MSR1: variants seen among roughly 807,000 people sequenced by gnomAD.
The protein encoded by MSR1 is macrophage scavenger receptor types I and II.
MSR1 carries 53 observed loss-of-function variants against 47.2 expected under a neutral mutation model. The ratio of observed to expected loss-of-function variants is 1.12; its 90% CI spans 0.90 to 1.41. MSR1 has a LOEUF of 1.41. MSR1 is among the 40% of genes most tolerant of loss of function. The pLI is 0.00. For synonymous variants in MSR1, 239 were observed against 185.6 expected (o/e 1.29, Z -2.34); for missense variants, 786 against 546.9 (o/e 1.44, Z -4.36).
intron 8 of MSR1, among the ~76,000 whole-genome samples, chr8:16,135,904 G>C (rs145731498): frequency 6.6e-6 from 1 of 152,106 alleles, no homozygotes. Context: ...TGGAGAACTA[G>C]AATTAGAAGT....
At chr8:16,121,401 T>C (rs1662349069) in intron 8 of MSR1, among the ~76,000 whole-genome samples, 1 of 152,054 alleles carries the variant, frequency 6.6e-6, no homozygotes, top group African/African-American at 2.4e-5. Flanking sequence ...ACAGAAAGAT[T>C]TACATAAATA....
At chr8:16,159,736 A>G (rs939370116) in intron 5 of MSR1, among the ~76,000 whole-genome samples, 9 of 151,968 alleles carry the variant, frequency 5.9e-5, no homozygotes, top group Non-Finnish European at 1.2e-4. Context: ...ACTTTTATAC[A>G]TAACTATCAC....
intron 8 of MSR1, among the ~76,000 whole-genome samples, chr8:16,138,307 C>T (rs936495814): frequency 9.2e-5 from 14 of 152,128 alleles, no homozygotes; most frequent in African/African-American, 2.7e-4. Context: ...GGAATCATTT[C>T]GTGTGACTGA....
At chr8:16,122,232 A>T (rs544140551) in intron 8 of MSR1, among the ~76,000 whole-genome samples, 11 of 152,262 alleles carry the variant, frequency 7.2e-5, no homozygotes, top group African/African-American at 2.4e-4. Context: ...TTCAACTTTC[A>T]TTTACTAGTA....
At chr8:16,188,722 T>C (rs1271227231) in intron 1 of MSR1, among the ~76,000 whole-genome samples, 1 of 152,026 alleles carries the variant, frequency 6.6e-6, no homozygotes, top group Admixed American at 6.6e-5. Flanking sequence ...CCACGTGCTC[T>C]CACTGTTCAA....
rs1287527239 is a variant in MSR1 at position 16,109,525 on chromosome 8, C to T, written c.*560G>A. 6.3e-6 allele frequency: 1 copy of T among 157,704 alleles called. No individual in the cohort carries two copies. The highest frequency in any genetic ancestry group is 6.1e-5 in the Admixed American group (1 of 16,420). The allele number at this position is 157,704 out of a possible 1,614,324, so 9.8% of individuals were successfully genotyped here. ...AAATAAGCTCCCTGGTCCATAGTGGCCAAGACATATCATTAACATTGATAT... is the reference window on the plus strand; with the variant it reads ...AAATAAGCTCCCTGGTCCATAGTGGTCAAGACATATCATTAACATTGATAT... On this transcript the variant is annotated 3_prime_UTR_variant, in exon 10 of 10. Transcript: ENST00000262101.
chr8:16,188,316 G>C (rs1381069047), intron 1 of MSR1, among the ~76,000 whole-genome samples: 1 of 151,722 alleles, frequency 6.6e-6, no homozygotes, highest in Non-Finnish European at 1.5e-5. Context: ...TGAAATTTCT[G>C]TCATCTCATC....
At chr8:16,188,755 T>C (rs1274442349) in intron 1 of MSR1, among the ~76,000 whole-genome samples, 1 of 151,932 alleles carries the variant, frequency 6.6e-6, no homozygotes, top group Non-Finnish European at 1.5e-5. Context: ...AGTGAGAACA[T>C]GCAGTGTTTC....
chr8:16,152,271 G>T (rs1366208497), intron 6 of MSR1, among the ~76,000 whole-genome samples: 3 of 151,062 alleles, frequency 2.0e-5, no homozygotes, highest in African/African-American at 7.3e-5. Context: ...GCGACAGCCT[G>T]CAGCCAGGCA....
chr8:16,141,894 G>C (rs1314263359), intron 8 of MSR1, among the ~76,000 whole-genome samples: 1 of 151,932 alleles, frequency 6.6e-6, no homozygotes, highest in Non-Finnish European at 1.5e-5. Flanking sequence ...GAAAGCCTCA[G>C]GAAAAGGAGA....
chr8:16,154,407 T>G (rs1490163274), intron 6 of MSR1, among the ~76,000 whole-genome samples: 1 of 152,032 alleles, frequency 6.6e-6, no homozygotes, highest in African/African-American at 2.4e-5. Flanking sequence ...TTCTGTGTCT[T>G]CTTTCAAAAT....
chr8:16,135,070 A>C (rs1243487703), intron 8 of MSR1, among the ~76,000 whole-genome samples: 7 of 152,188 alleles, frequency 4.6e-5, no homozygotes, highest in Non-Finnish European at 7.3e-5. Context: ...GCAAGTGTGG[A>C]TATAGAAGCT....
chr8:16,140,360 T>G (rs1023968890), intron 8 of MSR1: 2 of 985,408 alleles, frequency 2.0e-6, no homozygotes, highest in South Asian at 9.4e-5. Context: ...CCAGTATTCA[T>G]TGAAGATTGA....
At chr8:16,169,541 AT>A (rs1249469577) in intron 3 of MSR1, among the ~76,000 whole-genome samples, 1 of 152,122 alleles carries the variant, frequency 6.6e-6, no homozygotes, top group Non-Finnish European at 1.5e-5. Context: ...ACAGCAGAAA[AT>A]TTAGAAAATA....
intron 9 of MSR1, among the ~76,000 whole-genome samples, chr8:16,117,638 A>G (rs1018401729): frequency 2.0e-5 from 3 of 152,230 alleles, no homozygotes; most frequent in Non-Finnish European, 4.4e-5. Context: ...AAGCACTGAA[A>G]AGCCTGCTTC....
intron 4 of MSR1, among the ~76,000 whole-genome samples, chr8:16,165,805 G>A (rs1006061441): frequency 3.9e-5 from 6 of 152,042 alleles, no homozygotes; most frequent in African/African-American, 1.4e-4. Context: ...ACACTATACT[G>A]AAGCAGAGAG....
In MSR1 at chr8:16,124,374, CAT is replaced by C. The variant is rs542394220; in HGVS notation, c.1034-3770_1034-3769del. ...TGGGAATCCCTGGTAGAATTACAAA[CAT>C]AGTAGACGAGAATGATAGAGGATTT... On this transcript the variant is annotated intron_variant, in intron 8 of 9. Coordinates refer to ENST00000262101, the MANE Select transcript of MSR1 (RefSeq NM_138715.3). 6.6e-5 allele frequency among the ~76,000 whole-genome samples: 10 copies of C among 152,272 alleles called. No individual in the cohort carries two copies. In the East Asian group the frequency reaches 1.5e-3, roughly 23 times the overall value.
chr8:16,177,752 A>C (rs1801692769), intron 2 of MSR1, 134 bp downstream of exon 2: 2 of 711,192 alleles, frequency 2.8e-6, no homozygotes, highest in African/African-American at 3.5e-5. Flanking sequence ...CTGTCTCAAG[A>C]ATACCCCTGT....
intron 4 of MSR1, among the ~76,000 whole-genome samples, chr8:16,166,605 C>G (rs1009743981): frequency 6.6e-6 from 1 of 152,082 alleles, no homozygotes; most frequent in East Asian, 1.9e-4. Flanking sequence ...ACACTCCCTC[C>G]ACATGCTACC....
Sources: allele counts gnomAD v4.1 joint callset (sites outside exome capture counted in the v4.1 genomes callset), GRCh38; gene constraint gnomAD v4.1.1; transcripts MANE v1.5; gene names NCBI Gene and HGNC (gene_info 2026-07-23, HGNC 2026-07-21).